MAP3K15: variants seen among roughly 807,000 people sequenced by gnomAD.
MAP3K15 encodes MAPK/ERK kinase kinase 15.
In MAP3K15, 124 loss-of-function variants were observed where a neutral mutation model predicts 99.5. The observed-to-expected ratio is 1.25, with a 90% CI of 1.08 to 1.45. MAP3K15 has a LOEUF of 1.45. Among genes scored for constraint, MAP3K15 ranks in the 40% most tolerant of loss-of-function variants. MAP3K15 has a pLI of 0.00. For missense variants in MAP3K15, 1,242 were observed against 1,079.7 expected, an observed-to-expected ratio of 1.15 and a Z score of -2.11; for synonymous variants, 494 against 439.6, an observed-to-expected ratio of 1.12 and a Z score of -1.55.
chrX:19,468,676 G>C (rs1020146781), intron 3 of MAP3K15, among the ~76,000 whole-genome samples: 15 of 111,533 alleles, frequency 1.3e-4, no homozygotes, highest in Admixed American at 1.0e-3. Flanking sequence ...AGCTTGATGG[G>C]GATGGCATTG....
intron 5 of MAP3K15, among the ~76,000 whole-genome samples, chrX:19,459,049 A>G (rs747090157): frequency 8.9e-6 from 1 of 111,779 alleles, no homozygotes; most frequent in Non-Finnish European, 1.9e-5. Context: ...CAGAATAAAC[A>G]TCTACATTCC....
At position 19,503,512 on chromosome X, in the gene MAP3K15, A is replaced by T. The variant is rs769948948; in HGVS notation, c.361+11389T>A. 3.9e-4 allele frequency among the ~76,000 whole-genome samples: 44 copies of T among 111,557 alleles called. No homozygotes were observed. In the South Asian group the frequency reaches 0.016, roughly 41 times the overall value. On this transcript the variant is annotated intron_variant, in intron 1 of 28. Coordinates refer to ENST00000338883, the MANE Select transcript of MAP3K15 (RefSeq NM_001001671.4). ...GCAATCTCAGCTCACTGCAACCTCC[A>T]CCTCCTGGGTTCAAGTGATTCTCCT...
intron 1 of MAP3K15, among the ~76,000 whole-genome samples, chrX:19,500,671 A>T (rs1253209153): frequency 8.9e-6 from 1 of 112,516 alleles, no homozygotes; most frequent in Non-Finnish European, 1.9e-5. Context: ...GTTACTGGGA[A>T]ACAAGAATTT....
At chrX:19,455,207 T>A (rs1315287799) in intron 6 of MAP3K15, among the ~76,000 whole-genome samples, 1 of 110,983 alleles carries the variant, frequency 9.0e-6, no homozygotes, top group Non-Finnish European at 1.9e-5. Context: ...AAAAGACCCA[T>A]CAAAGAGAAA....
intron 25 of MAP3K15, among the ~76,000 whole-genome samples, chrX:19,365,996 G>A (rs1231048533): frequency 5.3e-5 from 4 of 75,645 alleles, no homozygotes; most frequent in Non-Finnish European, 9.1e-5. Context: ...GATAGAGCGA[G>A]CCTCCATCTC....
intron 13 of MAP3K15, among the ~76,000 whole-genome samples, chrX:19,401,999 C>T (rs2063612016): frequency 8.9e-6 from 1 of 111,982 alleles, no homozygotes; most frequent in African/African-American, 3.2e-5. Context: ...ATTTAAAAGA[C>T]GGTATCAGCC....
chrX:19,445,724 C>A (rs7877411), intron 6 of MAP3K15, among the ~76,000 whole-genome samples: 6,671 of 109,274 alleles, frequency 0.061, 507 homozygotes, highest in African/African-American at 0.21. Context: ...GGGTGGATCA[C>A]CCTCATGAGG....
chrX:19,478,853 A>G lies in MAP3K15; in HGVS notation c.525+7629T>C, dbSNP rs1179169927. 4.5e-5 allele frequency among the ~76,000 whole-genome samples: 5 copies of G among 110,391 alleles called. No homozygotes were observed. In the Admixed American group the frequency reaches 4.8e-4, roughly 11 times the overall value. On this transcript the variant is annotated intron_variant, in intron 3 of 28. Transcript: ENST00000338883. ...GAACTCTGGCTTTAGGACATGACAAATGAAAATAAAGTCCAATGTACTTTT... is the reference window on the plus strand; with the variant it reads ...GAACTCTGGCTTTAGGACATGACAAGTGAAAATAAAGTCCAATGTACTTTT...
chrX:19,494,088 A>G (rs1382601213), intron 1 of MAP3K15, among the ~76,000 whole-genome samples: 1 of 111,075 alleles, frequency 9.0e-6, no homozygotes, highest in South Asian at 3.8e-4. Flanking sequence ...GGAAAAAAAA[A>G]ACACATATCA....
At chrX:19,413,526 G>T (rs1046446585) in intron 10 of MAP3K15, 62 bp from the exon 11 acceptor site, 12 of 875,094 alleles carry the variant, frequency 1.4e-5, no homozygotes, top group Admixed American at 1.0e-4. Flanking sequence ...ACCCTGCCCA[G>T]CGAGGAGGCG....
chrX:19,360,955 G>T (rs995720508), intron 28 of MAP3K15, 122 bp from the exon 29 acceptor site: 2 of 501,598 alleles, frequency 4.0e-6, no homozygotes, highest in African/African-American at 4.7e-5. Flanking sequence ...TGGAGGTGAC[G>T]CTCGTGTCCC....
chrX:19,383,630 A>G (rs1173759208), intron 18 of MAP3K15, among the ~76,000 whole-genome samples: 1 of 112,534 alleles, frequency 8.9e-6, no homozygotes, highest in Non-Finnish European at 1.9e-5. Flanking sequence ...ACACAACTCT[A>G]TAAGAAAACA....
intron 21 of MAP3K15, 72 bp downstream of exon 21, chrX:19,373,464 G>A (rs1278075366): frequency 1.8e-6 from 2 of 1,118,593 alleles, no homozygotes; most frequent in Non-Finnish European, 1.2e-6. Flanking sequence ...TTGGGACCAG[G>A]GAGGTGCCCT....
chrX:19,367,076 A>T (rs1383615457), intron 25 of MAP3K15, among the ~76,000 whole-genome samples: 1 of 112,085 alleles, frequency 8.9e-6, no homozygotes, highest in African/African-American at 3.2e-5. Context: ...TAGCAAAGAC[A>T]TGGAATCATC....
At chrX:19,434,767 C>G (rs976270673) in intron 6 of MAP3K15, among the ~76,000 whole-genome samples, 4 of 111,903 alleles carry the variant, frequency 3.6e-5, no homozygotes, top group African/African-American at 1.3e-4. Context: ...GAAATTCAAT[C>G]ACTTCATACA....
intron 2 of MAP3K15, among the ~76,000 whole-genome samples, chrX:19,488,446 AT>A (rs2064344225): frequency 8.9e-6 from 1 of 111,915 alleles, no homozygotes; most frequent in South Asian, 3.7e-4. Flanking sequence ...TTGAGAACTG[AT>A]TTTTATGTGT....
At chrX:19,389,585 T>C (rs2063514161) in intron 18 of MAP3K15, among the ~76,000 whole-genome samples, 1 of 112,091 alleles carries the variant, frequency 8.9e-6, no homozygotes, top group South Asian at 3.6e-4. Context: ...ACCCCTTCCT[T>C]ATTATCCCCC....
In MAP3K15 at chrX:19,360,829, C is replaced by T; in HGVS notation, c.3862G>A (p.Gly1288Ser). The T allele has an allele frequency of 8.3e-7, 1 of 1,200,304 alleles. No homozygotes were observed. Among genetic ancestry groups the T allele is most frequent in the Non-Finnish European group, 1.1e-6 (1 of 889,337 alleles). Residue 1288 changes from glycine (G) to serine (S), a missense_variant, in exon 29 of 29, where the codon GGT becomes AGT. Gly to Ser is a moderately conservative substitution (Grantham distance 56, BLOSUM62 0). Coordinates refer to ENST00000338883, the MANE Select transcript of MAP3K15 (RefSeq NM_001001671.4). ...EDLRYLRLRGGLLCRLWSAVS... is the reference protein window; with the variant it reads ...EDLRYLRLRGSLLCRLWSAVS... ...GCACTCCAGAGTCTGCAGAGGAGACCACCCCTGGGAAACAAACACAGCTGT... is the reference window on the plus strand; with the variant it reads ...GCACTCCAGAGTCTGCAGAGGAGACTACCCCTGGGAAACAAACACAGCTGT...
intron 25 of MAP3K15, among the ~76,000 whole-genome samples, chrX:19,365,612 T>C (rs943147416): frequency 1.8e-5 from 2 of 112,759 alleles, no homozygotes; most frequent in Non-Finnish European, 3.7e-5. Context: ...TTTGCTTACA[T>C]ACCTAGTACA....
Sources: allele counts gnomAD v4.1 joint callset (sites outside exome capture counted in the v4.1 genomes callset), GRCh38; gene constraint gnomAD v4.1.1; transcripts MANE v1.5; gene names NCBI Gene and HGNC (gene_info 2026-07-23, HGNC 2026-07-21).